The following PTPRT variants were observed in gnomAD, a reference collection of about 807,000 sequenced individuals.
PTPRT encodes the protein receptor-type tyrosine-protein phosphatase T.
A neutral mutation model predicts 176.8 loss-of-function variants in PTPRT; 56 were observed. That is an observed-to-expected ratio of 0.32 (90% CI 0.26 to 0.40). PTPRT has a LOEUF of 0.40. Ranked by LOEUF, PTPRT falls within the 10% of genes least tolerant of loss-of-function variation. PTPRT has a pLI of 1.00. For missense variants in PTPRT, 1,540 were observed against 1,908.2 expected (o/e 0.81, Z 3.60); for synonymous variants, 783 against 739.0 (o/e 1.06, Z -0.96).
chr20:42,147,192 G>A (rs1988905972), intron 17 of PTPRT, among the ~76,000 whole-genome samples: 1 of 152,186 alleles, frequency 6.6e-6, no homozygotes, highest in African/African-American at 2.4e-5. Context: ...AGATGTGCTT[G>A]AAAGACCTAT....
intron 16 of PTPRT, among the ~76,000 whole-genome samples, chr20:42,185,755 T>A (rs1990753463): frequency 6.6e-6 from 1 of 152,232 alleles, no homozygotes; most frequent in Admixed American, 6.5e-5. Flanking sequence ...CAACTATTCA[T>A]CTACCCATCT....
At chr20:42,683,423 A>G (rs2075638451) in intron 6 of PTPRT, among the ~76,000 whole-genome samples, 1 of 151,978 alleles carries the variant, frequency 6.6e-6, no homozygotes, top group South Asian at 2.1e-4. Context: ...GATTACAGGC[A>G]CCTGTCACCA....
chr20:42,960,241 A>G (rs931568449), intron 1 of PTPRT, among the ~76,000 whole-genome samples: 6 of 152,146 alleles, frequency 3.9e-5, no homozygotes, highest in African/African-American at 1.2e-4. Flanking sequence ...TCAATTGTAG[A>G]CGTTTATTTT....
chr20:42,232,987 C>T (rs1307996871), intron 15 of PTPRT, among the ~76,000 whole-genome samples: 2 of 152,098 alleles, frequency 1.3e-5, no homozygotes, highest in African/African-American at 4.8e-5. Flanking sequence ...CTGCTATGGC[C>T]AACCAACTCC....
At position 42,523,636 on chromosome 20, in the gene PTPRT, C is replaced by T. The variant is rs544459188; in HGVS notation, c.1154-51074G>A. On this transcript the variant is annotated intron_variant, in intron 7 of 30. Coordinates refer to ENST00000373187, the MANE Select transcript of PTPRT (RefSeq NM_007050.6). ...TCAACAACTTAATCTGACAATGTCT[C>T]CTTTGATTGGTAAGTTTAGTACAAT... Among the ~76,000 whole-genome samples, 74 of 152,188 alleles carry T rather than the reference C, an allele frequency of 4.9e-4. 1 individual carries two copies. In the South Asian group the frequency reaches 7.9e-3, roughly 16 times the overall value.
At chr20:43,002,986 G>GAAAAT (rs148244334) in intron 1 of PTPRT, among the ~76,000 whole-genome samples, 1 of 151,640 alleles carries the variant, frequency 6.6e-6, no homozygotes, top group East Asian at 1.9e-4. Context: ...TCATCAAAGA[G>GAAAAT]AAAATAAAAT....
chr20:42,170,221 C>T (rs781588440), intron 16 of PTPRT, among the ~76,000 whole-genome samples: 33 of 152,316 alleles, frequency 2.2e-4, no homozygotes, highest in Admixed American at 7.8e-4. Context: ...CATTCATGGG[C>T]ATCTCATTCA....
chr20:43,119,131 C>T (rs1283199153), intron 1 of PTPRT, among the ~76,000 whole-genome samples: 2 of 152,120 alleles, frequency 1.3e-5, no homozygotes, highest in Admixed American at 6.5e-5. Flanking sequence ...TGGAAATGTT[C>T]GCCATAATGT....
Position 42,157,630 on chromosome 20 carries a change from C to A in PTPRT, c.2682+3722G>T, listed in dbSNP as rs181611126. On this transcript the variant is annotated intron_variant, in intron 17 of 30. Transcript: ENST00000373187. ...CAAAGTGCTGGGATTTTCTTCCCCC[C>A]CCAATATTTCTTGCTCTGCATGCTC... 2.8e-3 allele frequency among the ~76,000 whole-genome samples: 430 copies of A among 152,184 alleles called. 3 individuals carry two copies. Among genetic ancestry groups the A allele is most frequent in the African/African-American group, 9.4e-3 (391 of 41,540 alleles).
At chr20:42,128,237 G>A (rs1301039294) in intron 19 of PTPRT, among the ~76,000 whole-genome samples, 1 of 152,126 alleles carries the variant, frequency 6.6e-6, no homozygotes, top group Non-Finnish European at 1.5e-5. Flanking sequence ...TTCCTGATGG[G>A]AGAAGTGATA....
chr20:43,162,896 C>T (rs2014736699), intron 1 of PTPRT, among the ~76,000 whole-genome samples: 2 of 152,234 alleles, frequency 1.3e-5, no homozygotes, highest in South Asian at 2.1e-4. Context: ...CTTGCAGCAG[C>T]GTCTTACACC....
intron 11 of PTPRT, among the ~76,000 whole-genome samples, chr20:42,342,521 A>G (rs1269680365): frequency 6.6e-6 from 1 of 152,242 alleles, no homozygotes; most frequent in Non-Finnish European, 1.5e-5. Context: ...AAGTGAATAA[A>G]TGAGGTTTGG....
intron 1 of PTPRT, among the ~76,000 whole-genome samples, chr20:42,999,590 TA>T (rs952981218): frequency 2.1e-5 from 3 of 143,256 alleles, no homozygotes; most frequent in Non-Finnish European, 4.6e-5. Flanking sequence ...ACCCAGTCTC[TA>T]AAAAAAAAAC....
At chr20:42,890,454 C>T (rs541227002) in intron 1 of PTPRT, among the ~76,000 whole-genome samples, 5 of 152,236 alleles carry the variant, frequency 3.3e-5, no homozygotes, top group African/African-American at 1.2e-4. Context: ...AAGGGCTGAA[C>T]AAGATGATTG....
chr20:42,836,861 T>C (rs2078189527), intron 2 of PTPRT, among the ~76,000 whole-genome samples: 1 of 152,226 alleles, frequency 6.6e-6, no homozygotes, highest in East Asian at 1.9e-4. Context: ...CACTGTTCAT[T>C]TAATCCTCAG....
rs982474480 is a variant in PTPRT, at chr20:43,047,711, C to A, written c.88+141935G>T. Among the ~76,000 whole-genome samples the A allele has an allele frequency of 2.0e-5, 3 of 148,836 alleles. No homozygotes were observed. In the South Asian group the frequency reaches 6.6e-4, roughly 33 times the overall value. ...AATGATGATGATGATGATGATGACACCGATGACAATGATGATAACAGCAGC... is the reference window on the plus strand; with the variant it reads ...AATGATGATGATGATGATGATGACAACGATGACAATGATGATAACAGCAGC... On this transcript the variant is annotated intron_variant, in intron 1 of 30. Transcript: ENST00000373187.
intron 7 of PTPRT, among the ~76,000 whole-genome samples, chr20:42,563,648 T>C (rs967242133): frequency 1.3e-5 from 2 of 152,200 alleles, no homozygotes; most frequent in East Asian, 1.9e-4. Context: ...ATACATATAA[T>C]GGAATTATAT....
Position 42,119,977 on chromosome 20 carries a change from T to C in PTPRT, c.2848-6A>G. The C allele has an allele frequency of 6.2e-7, 1 of 1,608,244 alleles. No individual in the cohort carries two copies. The highest frequency in any genetic ancestry group is 1.3e-5 in the African/African-American group (1 of 74,628). ...TGCCGAGGTCGATGGTATCCCTGGA[T>C]AACAGGAGAAAAGCACTGTGAAGAG... On this transcript the variant is annotated splice_polypyrimidine_tract_variant and splice_region_variant and intron_variant, in intron 19 of 30. Coordinates refer to ENST00000373187, the MANE Select transcript of PTPRT (RefSeq NM_007050.6).
At chr20:42,233,658 C>T (rs2056180802) in intron 15 of PTPRT, among the ~76,000 whole-genome samples, 1 of 152,088 alleles carries the variant, frequency 6.6e-6, no homozygotes, top group Admixed American at 6.6e-5. Flanking sequence ...GAAGATGGTG[C>T]TTAAGAGGAA....
Sources: gnomAD v4.1 joint callset for allele counts (sites outside exome capture counted in the v4.1 genomes callset) on GRCh38, gnomAD v4.1.1 for gene constraint, MANE v1.5 for transcripts, NCBI Gene and HGNC (gene_info 2026-07-23, HGNC 2026-07-21) for gene names.